The following LYSMD4 variants were observed in gnomAD, a reference collection of about 807,000 sequenced individuals.
LYSMD4 encodes lysM and putative peptidoglycan-binding domain-containing protein 4.
Under a neutral mutation model 6.1 loss-of-function variants are expected in LYSMD4, and 9 were observed. The ratio of observed to expected loss-of-function variants is 1.47; its 90% CI spans 0.88 to 2.56. LYSMD4 has a LOEUF of 2.56. Ranked by LOEUF, LYSMD4 falls within the 30% of genes most tolerant of loss-of-function variation. The pLI, the probability that LYSMD4 is intolerant of heterozygous loss-of-function variation, is 0.00. For synonymous variants in LYSMD4, 143 were observed against 148.5 expected (o/e 0.96, Z 0.27); for missense variants, 384 against 373.5 (o/e 1.03, Z -0.23).
chr15:99,717,523 C>G (rs1006911121), exon 1 of LYSMD4: 5 of 62,056 alleles, frequency 8.1e-5, no homozygotes, highest in African/African-American at 2.3e-4. Context: ...CGTTCCAGGT[C>G]AAGTGGGCTT....
chr15:99,719,816 C>G (rs542952557), upstream of LYSMD4, among the ~76,000 whole-genome samples: 2 of 152,206 alleles, frequency 1.3e-5, no homozygotes, highest in Non-Finnish European at 2.9e-5. Context: ...TGCATTTCCT[C>G]CAGCGGTGTA....
exon 1 of LYSMD4, chr15:99,716,741 C>G (rs2059180546): frequency 2.2e-6 from 1 of 454,868 alleles, no homozygotes; most frequent in South Asian, 1.6e-5. Context: ...CCACGCAGTC[C>G]CACCGGGGCC....
Position 99,733,437 on chromosome 15 carries a change from C to G in LYSMD4, c.-101G>C. On this transcript the variant is annotated 5_prime_UTR_variant, in exon 1 of 3. Coordinates refer to ENST00000684762, the MANE Select transcript of LYSMD4 (RefSeq NM_001284417.2). Reference sequence around the variant, plus strand: ...TGCCACCGCGCCTGCGGATTGGCTACGAACATCAGCAGGGCCCCCCTGGGG... The same window carrying G: ...TGCCACCGCGCCTGCGGATTGGCTAGGAACATCAGCAGGGCCCCCCTGGGG... 1 of 395,224 alleles carries G rather than the reference C, an allele frequency of 2.5e-6. No homozygotes were observed. Among genetic ancestry groups the G allele is most frequent in the Non-Finnish European group, 4.5e-6 (1 of 223,742 alleles). The allele number at this position is 395,224 out of a possible 1,614,324, so 24.5% of individuals were successfully genotyped here.
chr15:99,728,751 C>T lies in LYSMD4; in HGVS notation c.*372G>A, dbSNP rs1326523278. On this transcript the variant is annotated 3_prime_UTR_variant, in exon 3 of 3. Transcript: ENST00000684762. ...TACAGCAAGAGCCAGGCAAGCCGCG[C>T]AGATGCCACTGGCTCTCACGCTGCA... The T allele has an allele frequency of 7.9e-6, 2 of 251,632 alleles. No individual in the cohort carries two copies. Among genetic ancestry groups the T allele is most frequent in the East Asian group, 1.6e-4 (2 of 12,358 alleles). 15.6% of individuals were successfully genotyped at this position (251,632 alleles called of 1,614,324 possible). A position where few individuals can be genotyped will look rare whatever the true frequency, so the allele number is the denominator to read the frequency against.
rs2059352775 is a variant in LYSMD4 at position 99,729,614 on chromosome 15, T to C, written c.400A>G (p.Lys134Glu). 1 of 1,614,200 alleles carries C rather than the reference T, an allele frequency of 6.2e-7. No homozygotes were observed. ...GILMETHKEL[K>E]PLLSPSSETT... ...TCGGAAGACGGGCTCAGAAGGGGTT[T>C]CAGTTCTTTGTGGGTCTCCATCAGG... Residue 134 changes from lysine to glutamate, a missense_variant, in exon 3 of 3, where the codon AAA (lysine) becomes GAA (glutamate). Physicochemically the swap from Lys to Glu is moderately conservative, Grantham distance 56. Transcript: ENST00000684762.
Position 99,728,983 on chromosome 15 carries a change from T to G in LYSMD4, c.*140A>C. 2 of 1,201,572 alleles carry G rather than the reference T, an allele frequency of 1.7e-6. No homozygotes were observed. Among genetic ancestry groups the G allele is most frequent in the Non-Finnish European group, 2.3e-6 (2 of 851,080 alleles). The allele number at this position is 1,201,572 out of a possible 1,614,324, so 74.4% of individuals were successfully genotyped here. ...AGGCCATGCCCAGGGCCAGTGCAAT[T>G]GGGAATACTGCAGTGACTTCTGAAA... is the stretch of plus-strand genomic sequence containing the variant. On this transcript the variant is annotated 3_prime_UTR_variant, in exon 3 of 3. Coordinates refer to ENST00000684762, the MANE Select transcript of LYSMD4 (RefSeq NM_001284417.2).
chr15:99,729,809 C>A, intron 2 of LYSMD4, 78 bp from the exon 3 acceptor site: 1 of 1,479,702 alleles, frequency 6.8e-7, no homozygotes, highest in Non-Finnish European at 9.0e-7. Context: ...GGCTCTTAAT[C>A]TTTCTGGGTG....
chr15:99,731,230 T>C (rs1417094376), intron 2 of LYSMD4: 8 of 1,611,178 alleles, frequency 5.0e-6, no homozygotes, highest in Admixed American at 1.7e-5. Context: ...AACAGGGTTA[T>C]ATAGATACAC....
At chr15:99,725,448 C>T (rs537194411), downstream of LYSMD4, among the ~76,000 whole-genome samples, 5 of 152,266 alleles carry the variant, frequency 3.3e-5, no homozygotes, top group East Asian at 5.8e-4. Flanking sequence ...CCTCCACGAT[C>T]GCGATGGCCC....
Position 99,729,238 on chromosome 15 carries a change from T to A in LYSMD4, c.776A>T (p.Asn259Ile), listed in dbSNP as rs139777997. 3.2e-5 allele frequency: 51 copies of A among 1,614,234 alleles called. 1 individual carries two copies. In the African/African-American group the frequency reaches 5.9e-4, roughly 19 times the overall value. ...AACTGTACCCATTGCCATCGAGCCA[T>A]TGGGGATGACAGTTGTGTTCAAGCT... ...PNSLNTTVIP[N>I]GSMAMGTVPG... The change falls in exon 3 of 3, where the codon AAT (asparagine) becomes ATT (isoleucine). Residue 259 changes from asparagine (N) to isoleucine (I), a missense_variant. Physicochemically the swap from Asn to Ile is moderately radical, Grantham distance 149 (BLOSUM62 -3). Transcript: ENST00000684762.
At chr15:99,732,314 C>A (rs1041887437) in intron 1 of LYSMD4, among the ~76,000 whole-genome samples, 3 of 152,228 alleles carry the variant, frequency 2.0e-5, no homozygotes, top group African/African-American at 7.2e-5. Context: ...TACTTTTGCT[C>A]TCAGAGTAGT....
chr15:99,732,096 A>G, intron 1 of LYSMD4, 89 bp from the exon 2 acceptor site: 1 of 1,366,264 alleles, frequency 7.3e-7, no homozygotes, highest in Non-Finnish European at 9.8e-7. Flanking sequence ...GTTAGAGAGT[A>G]TTCCTTTTCC....
chr15:99,731,339 G>A, intron 2 of LYSMD4: 1 of 1,609,530 alleles, frequency 6.2e-7, no homozygotes, highest in Non-Finnish European at 8.5e-7. Flanking sequence ...AATAAGAGCA[G>A]CGAGAAAAGC....
At chr15:99,717,432 A>AGCCCGGGGCCGG in exon 1 of LYSMD4, 1 of 152,384 alleles carries the variant, frequency 6.6e-6, no homozygotes, top group Middle Eastern at 3.4e-3. Flanking sequence ...GCTCACAAGC[A>AGCCCGGGGCCGG]GCCCGAGGAC....
At chr15:99,727,159 G>A (rs927479171), downstream of LYSMD4, among the ~76,000 whole-genome samples, 3 of 152,222 alleles carry the variant, frequency 2.0e-5, no homozygotes, top group Non-Finnish European at 4.4e-5. Flanking sequence ...CAGATTATCT[G>A]AGGTCAGGAG....
At chr15:99,718,711 T>C (rs2059213553), upstream of LYSMD4, among the ~76,000 whole-genome samples, 1 of 152,130 alleles carries the variant, frequency 6.6e-6, no homozygotes, top group Non-Finnish European at 1.5e-5. Flanking sequence ...CCTTAGCATG[T>C]CCTTTCTGGC....
At chr15:99,723,554 C>A (rs185814698), downstream of LYSMD4, among the ~76,000 whole-genome samples, 599 of 152,330 alleles carry the variant, frequency 3.9e-3, 2 homozygotes, top group Non-Finnish European at 6.7e-3. Context: ...CCCTTTCCCC[C>A]AGAAACACGA....
upstream of LYSMD4, among the ~76,000 whole-genome samples, chr15:99,720,030 C>T (rs2059226260): frequency 6.6e-6 from 1 of 152,004 alleles, no homozygotes; most frequent in South Asian, 2.1e-4. Context: ...TTATTTTCAT[C>T]CTCCAACTTG....
Position 99,728,935 on chromosome 15 carries a change from A to G in LYSMD4, c.*188T>C. ...GGGGCCGAGGTCGCTGCTGTTTTAG[A>G]TCCTGCCAGCTTAGACTGGGTAAGG... On this transcript the variant is annotated 3_prime_UTR_variant, in exon 3 of 3. Transcript: ENST00000684762. The G allele has an allele frequency of 1.3e-6, 1 of 781,994 alleles. No individual in the cohort carries two copies. Among genetic ancestry groups the G allele is most frequent in the Non-Finnish European group, 2.1e-6 (1 of 487,286 alleles). The allele number at this position is 781,994 out of a possible 1,614,324, so 48.4% of individuals were successfully genotyped here.
Sources: gnomAD v4.1 joint callset for allele counts (sites outside exome capture counted in the v4.1 genomes callset) on GRCh38, gnomAD v4.1.1 for gene constraint, MANE v1.5 for transcripts, NCBI Gene and HGNC (gene_info 2026-07-23, HGNC 2026-07-21) for gene names.